The following RAPGEF1 variants were observed in gnomAD, a reference collection of about 807,000 sequenced individuals.
RAPGEF1 encodes the protein Rap guanine nucleotide exchange factor 1, also known as CRK SH3-binding GNRP.
RAPGEF1 carries 33 observed loss-of-function variants against 143.3 expected under a neutral mutation model. The ratio of observed to expected loss-of-function variants is 0.23; its 90% CI spans 0.17 to 0.31. The LOEUF (loss-of-function observed/expected upper bound fraction) is 0.31, where lower values mean the gene tolerates loss of function less well. RAPGEF1 is among the 10% of genes least tolerant of loss of function. The pLI is 1.00. For synonymous variants in RAPGEF1, 629 were observed against 676.5 expected (o/e 0.93, Z 1.09); for missense variants, 1,199 against 1,645.4 (o/e 0.73, Z 4.69).
chr9:131,701,566 CATT>C (rs1253311534), intron 1 of RAPGEF1, among the ~76,000 whole-genome samples: 1 of 152,130 alleles, frequency 6.6e-6, no homozygotes, highest in Non-Finnish European at 1.5e-5. Context: ...ATTATTGTAT[CATT>C]GTTACATATA....
intron 1 of RAPGEF1, among the ~76,000 whole-genome samples, chr9:131,698,589 G>A (rs1245803650): frequency 6.6e-6 from 1 of 152,228 alleles, no homozygotes. Flanking sequence ...CTGTTAGAAG[G>A]GCGGGTAGAA....
intron 12 of RAPGEF1, among the ~76,000 whole-genome samples, chr9:131,617,124 C>CAG (rs1222296563): frequency 2.0e-5 from 3 of 152,126 alleles, no homozygotes; most frequent in African/African-American, 7.2e-5. Flanking sequence ...GCGAACAGTC[C>CAG]AGTTCATTCA....
chr9:131,651,923 G>A (rs1369314003), intron 1 of RAPGEF1, among the ~76,000 whole-genome samples: 2 of 152,212 alleles, frequency 1.3e-5, no homozygotes, highest in African/African-American at 4.8e-5. Flanking sequence ...ACTGTACTGA[G>A]TACTGCAGGC....
chr9:131,709,427 G>A (rs1835347274), intron 1 of RAPGEF1, among the ~76,000 whole-genome samples: 1 of 152,170 alleles, frequency 6.6e-6, no homozygotes, highest in East Asian at 1.9e-4. Flanking sequence ...GCCAAACCAA[G>A]CCATCATATT....
At position 131,583,080 on chromosome 9, in the gene RAPGEF1, G is replaced by A. The variant is rs960420240; in HGVS notation, c.3415-378C>T. 8.5e-5 allele frequency among the ~76,000 whole-genome samples: 13 copies of A among 152,184 alleles called. No individual in the cohort carries two copies. The highest frequency in any genetic ancestry group is 3.3e-4 in the Admixed American group (5 of 15,284). ...GCTTCCCAGGCACACACTGAGTGGCGTCACTCCTGACTCGGAGCTGCCTTT... is the reference window on the plus strand; with the variant it reads ...GCTTCCCAGGCACACACTGAGTGGCATCACTCCTGACTCGGAGCTGCCTTT... On this transcript the variant is annotated intron_variant, in intron 24 of 26. Transcript: ENST00000683357. This position sits in a 1 kb window ranked among gnomAD's most constrained non-coding sequence, Gnocchi z 4.7.
At chr9:131,737,623 C>G (rs927763803) in intron 1 of RAPGEF1, 32 of 1,444,284 alleles carry the variant, frequency 2.2e-5, no homozygotes, top group Non-Finnish European at 2.8e-5. Context: ...TCATTTCATT[C>G]CCAGCGGTTT....
chr9:131,598,982 G>A (rs1295138185), intron 15 of RAPGEF1, among the ~76,000 whole-genome samples: 3 of 151,930 alleles, frequency 2.0e-5, no homozygotes, highest in South Asian at 2.1e-4. Context: ...ATGCCACTAC[G>A]TCCTGCTAAT....
intron 10 of RAPGEF1, among the ~76,000 whole-genome samples, chr9:131,623,838 C>T (rs7031927): frequency 0.039 from 5,977 of 152,326 alleles, 242 homozygotes; most frequent in East Asian, 0.09. Flanking sequence ...TGGGACTGAG[C>T]GTGCATGAAC....
intron 16 of RAPGEF1, among the ~76,000 whole-genome samples, chr9:131,597,975 C>T (rs772956238): frequency 3.3e-5 from 5 of 152,312 alleles, no homozygotes; most frequent in East Asian, 3.9e-4. Context: ...AGAACTTGAC[C>T]TGTGTAAGAT....
intron 1 of RAPGEF1, among the ~76,000 whole-genome samples, chr9:131,661,817 A>C (rs1457449046): frequency 6.6e-6 from 1 of 152,230 alleles, no homozygotes; most frequent in Non-Finnish European, 1.5e-5. Flanking sequence ...GCCTGTGAAT[A>C]TCTCAGGAAA....
At chr9:131,622,327 G>A (rs530238983) in intron 10 of RAPGEF1, among the ~76,000 whole-genome samples, 15 of 152,304 alleles carry the variant, frequency 9.8e-5, no homozygotes, top group African/African-American at 2.9e-4. Flanking sequence ...GAGGCATGTC[G>A]CAAGTGCCAC....
intron 12 of RAPGEF1, 22 bp from the exon 13 acceptor site, chr9:131,605,210 C>G: frequency 7.8e-7 from 1 of 1,279,682 alleles, no homozygotes. Flanking sequence ...AGGTGGAGAA[C>G]AAACAAAAAC....
At chr9:131,718,021 T>C (rs2131260512) in intron 1 of RAPGEF1, among the ~76,000 whole-genome samples, 2 of 152,286 alleles carry the variant, frequency 1.3e-5, no homozygotes, top group Middle Eastern at 3.4e-3. Context: ...GGATCCATCT[T>C]ATCAATGAGA....
intron 1 of RAPGEF1, among the ~76,000 whole-genome samples, chr9:131,728,230 G>T (rs1393790553): frequency 6.6e-6 from 1 of 152,188 alleles, no homozygotes; most frequent in African/African-American, 2.4e-5. Flanking sequence ...TTCTTGCAGT[G>T]CTCAATGCAA....
intron 12 of RAPGEF1, among the ~76,000 whole-genome samples, chr9:131,612,677 C>T (rs1451274220): frequency 6.6e-6 from 1 of 152,196 alleles, no homozygotes; most frequent in Non-Finnish European, 1.5e-5. Context: ...CTGCATGTAC[C>T]TCCTTCCACA....
chr9:131,589,209 C>G (rs1953746390), intron 19 of RAPGEF1, among the ~76,000 whole-genome samples: 1 of 152,268 alleles, frequency 6.6e-6, no homozygotes, highest in Non-Finnish European at 1.5e-5. Context: ...CAACAGCCAT[C>G]TGTTGGCGCT....
At chr9:131,739,745 G>C (rs1469458769) in intron 1 of RAPGEF1, 25 bp downstream of exon 1, 2 of 1,130,872 alleles carry the variant, frequency 1.8e-6, no homozygotes, top group Admixed American at 8.2e-5. Flanking sequence ...CGGCCGGAGG[G>C]AGCCGCCCCA....
At chr9:131,705,326 G>A (rs764913245) in intron 1 of RAPGEF1, among the ~76,000 whole-genome samples, 4 of 152,030 alleles carry the variant, frequency 2.6e-5, no homozygotes, top group South Asian at 4.1e-4. Flanking sequence ...GCGACTGCCC[G>A]CCCTCAGGTG....
At chr9:131,738,834 G>A (rs1042682182) in intron 1 of RAPGEF1, among the ~76,000 whole-genome samples, 5 of 152,128 alleles carry the variant, frequency 3.3e-5, no homozygotes, top group East Asian at 3.8e-4. Flanking sequence ...ATTCAACCCA[G>A]GAAACATAAG....
Sources: allele counts gnomAD v4.1 joint callset (sites outside exome capture counted in the v4.1 genomes callset), GRCh38; gene constraint gnomAD v4.1.1; non-coding constraint Gnocchi (gnomAD v3.1); transcripts MANE v1.5; gene names NCBI Gene and HGNC (gene_info 2026-07-23, HGNC 2026-07-21).